The following PACRG variants were observed in gnomAD, a reference collection of about 807,000 sequenced individuals.
PACRG encodes parkin coregulated, also known as parkin coregulated gene protein.
PACRG carries 29 observed loss-of-function variants against 29.7 expected under a neutral mutation model. That is an observed-to-expected ratio of 0.98 (90% CI 0.73 to 1.33). PACRG has a LOEUF of 1.33. Among genes scored for constraint, PACRG ranks in the 40% most tolerant of loss-of-function variants. The probability of loss-of-function intolerance (pLI) is 0.00; values close to 1 mark genes in which losing one functional copy is unlikely to be tolerated. For missense variants in PACRG, 279 were observed against 316.2 expected, an observed-to-expected ratio of 0.88 and a Z score of 0.89; for synonymous variants, 116 against 118.7, an observed-to-expected ratio of 0.98 and a Z score of 0.15.
intron 3 of PACRG, among the ~76,000 whole-genome samples, chr6:163,070,459 A>G (rs1811936975): frequency 6.6e-6 from 1 of 152,120 alleles, no homozygotes; most frequent in Non-Finnish European, 1.5e-5. Flanking sequence ...CCATTCATTT[A>G]TGCAAACAGT....
At chr6:162,751,844 T>C (rs1465479271) in intron 1 of PACRG, among the ~76,000 whole-genome samples, 2 of 152,166 alleles carry the variant, frequency 1.3e-5, no homozygotes, top group African/African-American at 4.8e-5. Context: ...GATAACATTT[T>C]CACACTCCAA....
intron 2 of PACRG, among the ~76,000 whole-genome samples, chr6:162,879,887 A>G (rs569137628): frequency 6.6e-6 from 1 of 152,332 alleles, no homozygotes; most frequent in South Asian, 2.1e-4. Flanking sequence ...ATTTCCTGAT[A>G]TATCTACAAA....
intron 4 of PACRG, among the ~76,000 whole-genome samples, chr6:163,273,887 T>C (rs973814291): frequency 2.6e-5 from 4 of 152,236 alleles, no homozygotes; most frequent in Non-Finnish European, 5.9e-5. Flanking sequence ...GCCTAACTTT[T>C]TGAGTTAGTT....
intron 4 of PACRG, among the ~76,000 whole-genome samples, chr6:163,246,981 A>G (rs931198298): frequency 6.6e-6 from 1 of 152,248 alleles, no homozygotes; most frequent in Admixed American, 6.5e-5. Context: ...CAGTATTTGT[A>G]AAGCAAATGC....
intron 4 of PACRG, among the ~76,000 whole-genome samples, chr6:163,171,663 T>G (rs1779092920): frequency 6.6e-6 from 1 of 152,224 alleles, no homozygotes; most frequent in South Asian, 2.1e-4. Context: ...TGAGAGTAAC[T>G]AAGCCCTTCC....
chr6:163,278,017 A>T (rs1287799801), intron 4 of PACRG, among the ~76,000 whole-genome samples: 3 of 151,928 alleles, frequency 2.0e-5, no homozygotes, highest in Non-Finnish European at 4.4e-5. Context: ...TTATTTTATG[A>T]TTATGACCAT....
chr6:163,259,362 C>G (rs1415315651), intron 4 of PACRG, among the ~76,000 whole-genome samples: 1 of 152,166 alleles, frequency 6.6e-6, no homozygotes, highest in African/African-American at 2.4e-5. Context: ...ACAATTATCC[C>G]CATTCACCGT....
At chr6:162,929,240 T>C (rs1797672656) in intron 2 of PACRG, among the ~76,000 whole-genome samples, 2 of 151,988 alleles carry the variant, frequency 1.3e-5, no homozygotes, top group Admixed American at 1.3e-4. Flanking sequence ...CCCAACAGTG[T>C]AAAGAGTTCC....
Position 162,942,612 on chromosome 6 carries a change from T to C in PACRG, c.292-119538T>C, listed in dbSNP as rs576779123. On this transcript the variant is annotated intron_variant, in intron 2 of 4. Coordinates refer to ENST00000366888, the MANE Select transcript of PACRG (RefSeq NM_001080379.2). Reference sequence around the variant, plus strand: ...CAGTTCTTTGGAACTGGACGGAAACTCTTCACATTTTCCTCTTTTTGAACA... The same window carrying C: ...CAGTTCTTTGGAACTGGACGGAAACCCTTCACATTTTCCTCTTTTTGAACA... Among the ~76,000 whole-genome samples, 4 of 152,330 alleles carry C rather than the reference T, an allele frequency of 2.6e-5. No individual in the cohort carries two copies. In the South Asian group the frequency reaches 8.3e-4, roughly 32 times the overall value.
intron 2 of PACRG, among the ~76,000 whole-genome samples, chr6:162,841,793 G>A (rs1312706904): frequency 1.3e-5 from 2 of 151,864 alleles, no homozygotes; most frequent in Admixed American, 1.3e-4. Context: ...CTGGTATGTT[G>A]TATCTTTGTT....
intron 4 of PACRG, among the ~76,000 whole-genome samples, chr6:163,148,306 C>G (rs1358404333): frequency 6.6e-6 from 1 of 152,178 alleles, no homozygotes; most frequent in Admixed American, 6.5e-5. Context: ...GTATTATGCA[C>G]TGTAAGAATA....
intron 2 of PACRG, among the ~76,000 whole-genome samples, chr6:162,954,298 G>A (rs1415464367): frequency 1.3e-5 from 2 of 152,096 alleles, no homozygotes; most frequent in African/African-American, 4.8e-5. Context: ...ATTTAGCTGT[G>A]AAAATAATGA....
intron 4 of PACRG, among the ~76,000 whole-genome samples, chr6:163,113,708 A>G (rs9456836): frequency 0.033 from 4,956 of 152,288 alleles, 290 homozygotes; most frequent in African/African-American, 0.11. Context: ...CAGGTAAGCA[A>G]AAGCCAAGGG....
intron 2 of PACRG, among the ~76,000 whole-genome samples, chr6:163,041,089 G>A (rs1490798057): frequency 2.0e-5 from 3 of 152,106 alleles, no homozygotes; most frequent in African/African-American, 7.2e-5. Flanking sequence ...TGTAATCCCA[G>A]CACTTTGAGA....
intron 4 of PACRG, among the ~76,000 whole-genome samples, chr6:163,137,489 C>T (rs1166449703): frequency 6.6e-6 from 1 of 152,122 alleles, no homozygotes; most frequent in South Asian, 2.1e-4. Flanking sequence ...GAACTCCATC[C>T]ATTCAAAGAG....
chr6:163,273,140 G>A (rs922267426), intron 4 of PACRG, among the ~76,000 whole-genome samples: 8 of 146,408 alleles, frequency 5.5e-5, no homozygotes, highest in Middle Eastern at 6.8e-3. Flanking sequence ...TGATCCGCCC[G>A]CCTCGGCCTC....
chr6:162,872,328 A>G (rs918017037), intron 2 of PACRG, among the ~76,000 whole-genome samples: 1 of 152,248 alleles, frequency 6.6e-6, no homozygotes, highest in African/African-American at 2.4e-5. Flanking sequence ...ATTTTAAAAT[A>G]TCTTCATTCT....
chr6:162,958,574 T>C (rs531628965), intron 2 of PACRG, among the ~76,000 whole-genome samples: 4 of 152,138 alleles, frequency 2.6e-5, no homozygotes, highest in African/African-American at 9.6e-5. Context: ...GCTTTTAACA[T>C]TAATTTATTC....
chr6:162,994,521 C>T (rs917603547), intron 2 of PACRG, among the ~76,000 whole-genome samples: 7 of 151,984 alleles, frequency 4.6e-5, no homozygotes, highest in Non-Finnish European at 1.0e-4. Context: ...CCCTTTCTTC[C>T]AGTTGATCGC....
Sources: gnomAD v4.1 joint callset for allele counts (sites outside exome capture counted in the v4.1 genomes callset) on GRCh38, gnomAD v4.1.1 for gene constraint, MANE v1.5 for transcripts, NCBI Gene and HGNC (gene_info 2026-07-23, HGNC 2026-07-21) for gene names.